TMEM44: variants seen among roughly 807,000 people sequenced by gnomAD.
TMEM44 encodes the protein transmembrane protein 44.
A neutral mutation model predicts 47.8 loss-of-function variants in TMEM44; 43 were observed. The ratio of observed to expected loss-of-function variants is 0.90; its 90% CI spans 0.70 to 1.16. TMEM44 has a LOEUF of 1.16. Ranked by LOEUF, TMEM44 falls within the 50% of genes most tolerant of loss-of-function variation. TMEM44 has a pLI of 0.00. For synonymous variants in TMEM44, 277 were observed against 238.8 expected (o/e 1.16, Z -1.48); for missense variants, 568 against 555.2 (o/e 1.02, Z -0.23).
intron 5 of TMEM44, chr3:194,617,504 C>T: frequency 1.6e-6 from 1 of 609,852 alleles, no homozygotes. Context: ...CTTACCAACT[C>T]CACCCTAAGG....
intron 3 of TMEM44, among the ~76,000 whole-genome samples, chr3:194,625,159 T>C (rs1717005638): frequency 6.6e-6 from 1 of 152,186 alleles, no homozygotes; most frequent in East Asian, 1.9e-4. Flanking sequence ...CCTGTGCCCA[T>C]TCCTGGCATC....
chr3:194,606,943 A>G (rs1714838326), intron 8 of TMEM44, among the ~76,000 whole-genome samples: 2 of 117,764 alleles, frequency 1.7e-5, no homozygotes, highest in African/African-American at 3.2e-5. Context: ...ACAGAGCGAG[A>G]CTCTGCCTCA....
intron 9 of TMEM44, chr3:194,592,901 C>T: frequency 9.7e-7 from 1 of 1,030,074 alleles, no homozygotes; most frequent in Admixed American, 1.8e-5. Flanking sequence ...GTGTGAGCCA[C>T]CGCGCCTGGC....
chr3:194,605,994 C>T (rs953871763), intron 8 of TMEM44, among the ~76,000 whole-genome samples: 11 of 152,186 alleles, frequency 7.2e-5, no homozygotes, highest in Admixed American at 6.6e-5. Flanking sequence ...AGCAGGAACA[C>T]AGGTGAGGGG....
chr3:194,602,754 G>C (rs974216971), intron 9 of TMEM44, among the ~76,000 whole-genome samples: 27 of 152,190 alleles, frequency 1.8e-4, no homozygotes, highest in African/African-American at 6.3e-4. Context: ...GGGTGTGTGA[G>C]GCCGGGCAGG....
At chr3:194,623,840 C>T in intron 3 of TMEM44, 145 bp from the exon 4 acceptor site, 2 of 1,003,036 alleles carry the variant, frequency 2.0e-6, no homozygotes, top group Admixed American at 4.8e-5. Context: ...TCCTCCCCAC[C>T]CTTCAGGGCC....
intron 7 of TMEM44, among the ~76,000 whole-genome samples, chr3:194,615,337 G>A (rs1715760875): frequency 6.6e-6 from 1 of 152,160 alleles, no homozygotes; most frequent in Non-Finnish European, 1.5e-5. Context: ...CCCTCATGGA[G>A]GCTCAATGCC....
chr3:194,593,208 G>T (rs1406676060), intron 9 of TMEM44: 2 of 836,930 alleles, frequency 2.4e-6, no homozygotes, highest in Admixed American at 2.0e-5. Context: ...GGGGGCAAAG[G>T]AACAGGTGAC....
intron 9 of TMEM44, among the ~76,000 whole-genome samples, chr3:194,597,649 CAA>C (rs532223669): frequency 2.1e-4 from 21 of 99,942 alleles, no homozygotes; most frequent in Middle Eastern, 5.8e-3. Flanking sequence ...GACTCTGTCT[CAA>C]AAAAAAAAAA....
At chr3:194,624,939 C>A (rs1244759854) in intron 3 of TMEM44, among the ~76,000 whole-genome samples, 2 of 151,808 alleles carry the variant, frequency 1.3e-5, no homozygotes, top group African/African-American at 2.4e-5. Flanking sequence ...TGGTCTCGAA[C>A]TCCTGACCTC....
At chr3:194,605,650 T>TC (rs2109173982) in intron 8 of TMEM44, among the ~76,000 whole-genome samples, 1 of 152,260 alleles carries the variant, frequency 6.6e-6, no homozygotes, top group South Asian at 2.1e-4. Context: ...TTCAATTACC[T>TC]CCCACTGGGT....
chr3:194,628,511 T>G lies in TMEM44; in HGVS notation c.138-2A>C, dbSNP rs1411022925. ...TGTGCACATCTCAGATAGAGAAGCC[T>G]GGGGTGACAGGGGTGTGGACAGAAC... On this transcript the variant is annotated splice_acceptor_variant, in intron 1 of 9. Transcript: ENST00000347147. LOFTEE classifies it high-confidence loss of function. The G allele has an allele frequency of 6.2e-7, 1 of 1,611,814 alleles. No homozygotes were observed. Among genetic ancestry groups the G allele is most frequent in the Non-Finnish European group, 8.5e-7 (1 of 1,178,786 alleles).
At position 194,628,465 on chromosome 3, in the gene TMEM44, G is replaced by C. The variant is rs1255385504; in HGVS notation, c.182C>G (p.Ser61Trp). The change falls in exon 2 of 10, where the codon TCG (serine) becomes TGG (tryptophan). Residue 61 changes from serine to tryptophan, a missense_variant. Transcript: ENST00000347147. ...GAGGCAGCACGCAGCACACAGTGCC[G>C]ACTGGTCCTGTCTGGGTTTCTGTGC... ...RCAQKPRQDQ[S>W]ALCAACCLLT... The C allele has an allele frequency of 2.5e-6, 4 of 1,613,590 alleles. No homozygotes were observed. Among genetic ancestry groups the C allele is most frequent in the Middle Eastern group, 1.7e-4 (1 of 6,060 alleles).
chr3:194,612,855 G>A (rs955285420), intron 7 of TMEM44, among the ~76,000 whole-genome samples: 5 of 149,336 alleles, frequency 3.3e-5, no homozygotes, highest in African/African-American at 7.4e-5. Flanking sequence ...TAGTAGAGAC[G>A]GGGTTTCACT....
intron 8 of TMEM44, among the ~76,000 whole-genome samples, chr3:194,606,761 G>A (rs956119474): frequency 8.6e-5 from 13 of 151,946 alleles, no homozygotes; most frequent in Non-Finnish European, 1.9e-4. Flanking sequence ...ACAACATGGC[G>A]AAACCCCTTC....
rs375079909 is a variant in TMEM44, at chr3:194,615,550, C to T, written c.912+19G>A. 107 of 1,612,754 alleles carry T rather than the reference C, an allele frequency of 6.6e-5. No individual in the cohort carries two copies. Among genetic ancestry groups the T allele is most frequent in the Non-Finnish European group, 8.6e-5 (102 of 1,179,388 alleles). On this transcript the variant is annotated intron_variant, in intron 7 of 9. Transcript: ENST00000347147. The stretch of plus-strand genomic sequence containing the variant: ...GACCAGAGTTTTCCAGCCAGAGAGA[C>T]CTTGTCCTCGTTCCTCACCTCCTGG...
At chr3:194,631,830 G>A (rs1434515459) in intron 1 of TMEM44, among the ~76,000 whole-genome samples, 2 of 152,148 alleles carry the variant, frequency 1.3e-5, no homozygotes, top group Admixed American at 6.5e-5. Context: ...GGAGGTTCAG[G>A]GATGGCAAGG....
intron 8 of TMEM44, among the ~76,000 whole-genome samples, chr3:194,609,178 G>C (rs1438169876): frequency 6.6e-6 from 1 of 152,166 alleles, no homozygotes; most frequent in Non-Finnish European, 1.5e-5. Flanking sequence ...GACGAGGTAA[G>C]CGTGAGATGC....
At chr3:194,604,628 G>A (rs931742118) in intron 8 of TMEM44, among the ~76,000 whole-genome samples, 183 bp from the exon 9 acceptor site, 1 of 152,194 alleles carries the variant, frequency 6.6e-6, no homozygotes, top group Admixed American at 6.5e-5. Context: ...CCTGTGTCTT[G>A]TGTATCCCTC....
Sources: allele counts gnomAD v4.1 joint callset (sites outside exome capture counted in the v4.1 genomes callset), GRCh38; gene constraint gnomAD v4.1.1; transcripts MANE v1.5; gene names NCBI Gene and HGNC (gene_info 2026-07-23, HGNC 2026-07-21).